Variants in SH2B3 observed in about 807,000 individuals in gnomAD.
SH2B3 encodes the protein SH2B adapter protein 3.
Under a neutral mutation model 51.9 loss-of-function variants are expected in SH2B3, and 43 were observed. The observed-to-expected ratio is 0.83, with a 90% CI of 0.65 to 1.07. The LOEUF (loss-of-function observed/expected upper bound fraction) is 1.07, where lower values mean the gene tolerates loss of function less well. Ranked by LOEUF, SH2B3 falls within the 50% of genes least tolerant of loss-of-function variation. The pLI is 0.00. For missense variants in SH2B3, 952 were observed against 834.3 expected (o/e 1.14, Z -1.74); for synonymous variants, 396 against 376.0 (o/e 1.05, Z -0.62).
intron 2 of SH2B3, among the ~76,000 whole-genome samples, chr12:111,439,972 G>C (rs1222301378): frequency 3.3e-5 from 5 of 152,154 alleles, no homozygotes; most frequent in Admixed American, 2.0e-4. Flanking sequence ...TGAGGGATGG[G>C]CCGTGCCTCC....
At chr12:111,431,300 C>G (rs1190170007) in intron 2 of SH2B3, among the ~76,000 whole-genome samples, 3 of 152,170 alleles carry the variant, frequency 2.0e-5, no homozygotes, top group African/African-American at 4.8e-5. Flanking sequence ...ACAGGGGCAC[C>G]ACTGTAGGAG....
At position 111,418,598 on chromosome 12, in the gene SH2B3, C is replaced by CG. The variant is rs1221845419; in HGVS notation, c.457dup (p.Glu153GlyfsTer19). The CG allele has an allele frequency of 6.7e-7, 1 of 1,491,808 alleles. No individual in the cohort carries two copies. The highest frequency in any genetic ancestry group is 8.9e-7 in the Non-Finnish European group (1 of 1,128,756). 92.4% of individuals were successfully genotyped at this position (1,491,808 alleles called of 1,614,324 possible). A position where few individuals can be genotyped will look rare whatever the true frequency, so the allele number is the denominator to read the frequency against. Reference sequence around the variant, plus strand: ...GCCACATCTTCCGCCGCCGCTCGGCCGGGGAGCTGCCAGCGGCCCACACCG... The same window carrying CG: ...GCCACATCTTCCGCCGCCGCTCGGCCGGGGGAGCTGCCAGCGGCCCACACCG... On this transcript the variant is annotated frameshift_variant, in exon 2 of 8. Coordinates refer to ENST00000341259, the MANE Select transcript of SH2B3 (RefSeq NM_005475.3). LOFTEE classifies it high-confidence loss of function. This position sits in a 1 kb window ranked among gnomAD's most constrained non-coding sequence, Gnocchi z 6.7.
chr12:111,409,303 AG>A lies in SH2B3; in HGVS notation c.-28+3028del, dbSNP rs1870493327. Reference sequence around the variant, plus strand: ...TCCCTGTTAGGGTGGTTTTGAGAAAAGGAGGCATGCACAGTGCCCGGCATGC... The same window carrying A: ...TCCCTGTTAGGGTGGTTTTGAGAAAAGAGGCATGCACAGTGCCCGGCATGC... On this transcript the variant is annotated intron_variant, in intron 1 of 7. Coordinates refer to ENST00000341259, the MANE Select transcript of SH2B3 (RefSeq NM_005475.3). This position sits in a 1 kb window ranked among gnomAD's most constrained non-coding sequence, Gnocchi z 4.0. 6.6e-6 allele frequency among the ~76,000 whole-genome samples: 1 copy of A among 152,212 alleles called. No individual in the cohort carries two copies. Among genetic ancestry groups the A allele is most frequent in the African/African-American group, 2.4e-5 (1 of 41,456 alleles).
rs1365630876 is a variant in SH2B3, at chr12:111,435,816, G to A, written c.733-10937G>A. On this transcript the variant is annotated intron_variant, in intron 2 of 7. Coordinates refer to ENST00000341259, the MANE Select transcript of SH2B3 (RefSeq NM_005475.3). This position sits in a 1 kb window ranked among gnomAD's most constrained non-coding sequence, Gnocchi z 4.8. Reference sequence around the variant, plus strand: ...CTGAAAAAGGTGTGGCCAAGGGCAGGGGTGCTGGGCTTAGCCAGGCTGGCC... The same window carrying A: ...CTGAAAAAGGTGTGGCCAAGGGCAGAGGTGCTGGGCTTAGCCAGGCTGGCC... Among the ~76,000 whole-genome samples, 1 of 152,236 alleles carries A rather than the reference G, an allele frequency of 6.6e-6. No individual in the cohort carries two copies. The highest frequency in any genetic ancestry group is 1.5e-5 in the Non-Finnish European group (1 of 68,044).
chr12:111,440,868 T>A (rs1873342329), intron 2 of SH2B3, among the ~76,000 whole-genome samples: 1 of 152,228 alleles, frequency 6.6e-6, no homozygotes, highest in Non-Finnish European at 1.5e-5. Flanking sequence ...CTCTTAAGGC[T>A]GAGCTCCTAA....
chr12:111,416,550 G>A (rs1871104298), intron 1 of SH2B3, among the ~76,000 whole-genome samples: 1 of 151,906 alleles, frequency 6.6e-6, no homozygotes, highest in Non-Finnish European at 1.5e-5. Context: ...CTGGAGTGCA[G>A]TGGCACCATC....
Position 111,447,965 on chromosome 12 carries a change from CTT to C in SH2B3, c.1409-17_1409-16del. Reference sequence around the variant, plus strand: ...CCTCAAGACTGATGGTGTGGTCTCTCTTGGTCACTTGTCCTAGGTTCCTGCAA... The same window carrying C: ...CCTCAAGACTGATGGTGTGGTCTCTCGGTCACTTGTCCTAGGTTCCTGCAA... On this transcript the variant is annotated splice_polypyrimidine_tract_variant and intron_variant, in intron 7 of 7. Coordinates refer to ENST00000341259, the MANE Select transcript of SH2B3 (RefSeq NM_005475.3). The C allele has an allele frequency of 6.3e-7, 1 of 1,589,916 alleles. No homozygotes were observed. The highest frequency in any genetic ancestry group is 8.6e-7 in the Non-Finnish European group (1 of 1,164,072).
chr12:111,447,439 G>A lies in SH2B3; in HGVS notation c.1131G>A (p.Leu377=). The change falls in exon 6 of 8, where the codon CTG becomes CTA. Residue 377 remains leucine, a synonymous_variant. Transcript: ENST00000341259. The part of the protein sequence containing the change: ...GPISRVKAAQ[L]VQLQGPDAHG... ...TCTCCAGAGTGAAAGCAGCTCAGCT[G>A]GTTCAGCTGCAGGGCCCTGATGCTC... The A allele has an allele frequency of 1.2e-6, 2 of 1,613,860 alleles. No individual in the cohort carries two copies. The highest frequency in any genetic ancestry group is 1.7e-6 in the Non-Finnish European group (2 of 1,179,874).
rs1330940240 is a variant in SH2B3, at chr12:111,447,110, C to A, written c.927-15C>A. 2 of 1,612,144 alleles carry A rather than the reference C, an allele frequency of 1.2e-6. No homozygotes were observed. The highest frequency in any genetic ancestry group is 3.3e-5 in the Admixed American group (2 of 60,012). On this transcript the variant is annotated splice_polypyrimidine_tract_variant and intron_variant, in intron 4 of 7. Coordinates refer to ENST00000341259, the MANE Select transcript of SH2B3 (RefSeq NM_005475.3). ...GACCTGCCCAGATCCTTAACCTCAGCCTCTTCTCCAGCAGGCTGGAGAGCA... is the reference window on the plus strand; with the variant it reads ...GACCTGCCCAGATCCTTAACCTCAGACTCTTCTCCAGCAGGCTGGAGAGCA...
chr12:111,444,795 C>T (rs1264254237), intron 2 of SH2B3: 23 of 985,436 alleles, frequency 2.3e-5, no homozygotes, highest in East Asian at 1.1e-4. Context: ...GGTTGTCCTG[C>T]GCCCATGTGC....
Position 111,438,870 on chromosome 12 carries a change from G to A in SH2B3, c.733-7883G>A, listed in dbSNP as rs1873135471. Among the ~76,000 whole-genome samples the A allele has an allele frequency of 6.6e-6, 1 of 152,242 alleles. No individual in the cohort carries two copies. Among genetic ancestry groups the A allele is most frequent in the South Asian group, 2.1e-4 (1 of 4,822 alleles). The stretch of plus-strand genomic sequence containing the variant: ...TGCACCTGGCACACTGAAGAAGAGT[G>A]GAGGCCAGTGTGGCTGGATCAGAGC... On this transcript the variant is annotated intron_variant, in intron 2 of 7. Coordinates refer to ENST00000341259, the MANE Select transcript of SH2B3 (RefSeq NM_005475.3). The surrounding 1 kb of genome is among the most constrained non-coding windows in gnomAD (Gnocchi z 4.2).
Position 111,418,482 on chromosome 12 carries a change from C to A in SH2B3, c.337C>A (p.Pro113Thr). The change falls in exon 2 of 8, where the codon CCT becomes ACT. Residue 113 changes from proline (P) to threonine (T), a missense_variant. Transcript: ENST00000341259. The surrounding 1 kb of genome is among the most constrained non-coding windows in gnomAD (Gnocchi z 6.7). ...GGAGCCAGGCCCCGGCCCCGCCGCC[C>A]CTGGCCTGCCCAAGGCCCGCAGCTC... ...SPEPGPGPAA[P>T]GLPKARSSEE... is the part of the protein sequence containing the mutation. 7.3e-7 allele frequency: 1 copy of A among 1,367,650 alleles called. No homozygotes were observed. Among genetic ancestry groups the A allele is most frequent in the Non-Finnish European group, 9.4e-7 (1 of 1,065,540 alleles). The allele number at this position is 1,367,650 out of a possible 1,614,324, so 84.7% of individuals were successfully genotyped here.
At chr12:111,419,483 A>G (rs1871366317) in intron 2 of SH2B3, among the ~76,000 whole-genome samples, 1 of 152,098 alleles carries the variant, frequency 6.6e-6, no homozygotes, top group East Asian at 1.9e-4. Flanking sequence ...CTAAAAATAT[A>G]AAAAATTAGC....
rs1870558739 is a variant in SH2B3 at position 111,409,935 on chromosome 12, T to A, written c.-28+3658T>A. ...GCCGGAAACCCGGCAGCTGAGCAGT[T>A]AGATAGAAGATTTTTCCTCCCACGC... On this transcript the variant is annotated intron_variant, in intron 1 of 7. Coordinates refer to ENST00000341259, the MANE Select transcript of SH2B3 (RefSeq NM_005475.3). The surrounding 1 kb of genome is among the most constrained non-coding windows in gnomAD (Gnocchi z 4.0). Among the ~76,000 whole-genome samples, 1 of 152,138 alleles carries A rather than the reference T, an allele frequency of 6.6e-6. No homozygotes were observed. Among genetic ancestry groups the A allele is most frequent in the South Asian group, 2.1e-4 (1 of 4,822 alleles).
At chr12:111,405,685 CA>C (rs917654452), upstream of SH2B3, among the ~76,000 whole-genome samples, 8 of 152,224 alleles carry the variant, frequency 5.3e-5, no homozygotes, top group African/African-American at 1.7e-4. This position sits in a 1 kb window ranked among gnomAD's most constrained non-coding sequence, Gnocchi z 5.4. Context: ...CGTGGCTTCG[CA>C]AGGCCTCGCC....
chr12:111,420,568 G>A (rs1227135274), intron 2 of SH2B3, among the ~76,000 whole-genome samples: 2 of 152,036 alleles, frequency 1.3e-5, no homozygotes, highest in Non-Finnish European at 2.9e-5. Context: ...CCTTACTCTA[G>A]AGCATGAGCA....
intron 2 of SH2B3, among the ~76,000 whole-genome samples, chr12:111,421,674 C>T (rs962729232): frequency 1.3e-5 from 2 of 152,112 alleles, no homozygotes; most frequent in East Asian, 3.9e-4. Context: ...ACTTCGGCCT[C>T]CCAAAGTGCT....
In SH2B3 at chr12:111,448,819, G is replaced by A. The variant is rs973882823; in HGVS notation, c.*517G>A. The A allele has an allele frequency of 6.5e-6, 1 of 154,324 alleles. No individual in the cohort carries two copies. The highest frequency in any genetic ancestry group is 2.4e-5 in the African/African-American group (1 of 41,428). The allele number at this position is 154,324 out of a possible 1,614,324, so 9.6% of individuals were successfully genotyped here. A position where few individuals can be genotyped will look rare whatever the true frequency, so the allele number is the denominator to read the frequency against. ...AATCCTGCTTCTACTCTCAGCTTTAGGACAAAAGCTCTGTCAGAGGCACAA... is the reference window on the plus strand; with the variant it reads ...AATCCTGCTTCTACTCTCAGCTTTAAGACAAAAGCTCTGTCAGAGGCACAA... On this transcript the variant is annotated 3_prime_UTR_variant, in exon 8 of 8. Transcript: ENST00000341259.
intron 2 of SH2B3, among the ~76,000 whole-genome samples, chr12:111,428,983 AG>A (rs1872231315): frequency 7.0e-6 from 1 of 143,602 alleles, no homozygotes; most frequent in Non-Finnish European, 1.5e-5. Flanking sequence ...CGTCCGCCGG[AG>A]GCCTGGCGGT....
Sources: allele counts gnomAD v4.1 joint callset (sites outside exome capture counted in the v4.1 genomes callset), GRCh38; gene constraint gnomAD v4.1.1; non-coding constraint Gnocchi (gnomAD v3.1); transcripts MANE v1.5; gene names NCBI Gene and HGNC (gene_info 2026-07-23, HGNC 2026-07-21).